The following SLC2A6 variants were observed in gnomAD, a reference collection of about 807,000 sequenced individuals.
SLC2A6 encodes solute carrier family 2 member 6.
A neutral mutation model predicts 47.8 loss-of-function variants in SLC2A6; 39 were observed. The ratio of observed to expected loss-of-function variants is 0.82; its 90% confidence interval spans 0.63 to 1.07. SLC2A6 has a LOEUF of 1.07. Among genes scored for constraint, SLC2A6 ranks in the 50% least tolerant of loss-of-function variants. SLC2A6 has a pLI of 0.00. For synonymous variants in SLC2A6, 346 were observed against 324.1 expected, an observed-to-expected ratio of 1.07 and a Z score of -0.73; for missense variants, 650 against 707.6, an observed-to-expected ratio of 0.92 and a Z score of 0.92.
chr9:133,475,320 C>T, intron 5 of SLC2A6, 80 bp downstream of exon 5: 1 of 1,452,330 alleles, frequency 6.9e-7, no homozygotes, highest in Non-Finnish European at 9.1e-7. Context: ...GTCCTGTCTT[C>T]CAGGAAAAGC....
At chr9:133,474,283 G>T (rs997266839) in intron 6 of SLC2A6, among the ~76,000 whole-genome samples, 195 bp from the exon 7 acceptor site, 2 of 152,250 alleles carry the variant, frequency 1.3e-5, no homozygotes, top group African/African-American at 2.4e-5. Flanking sequence ...GGACACATCT[G>T]CTCTGCCCAC....
intron 1 of SLC2A6, 111 bp from the exon 2 acceptor site, chr9:133,478,527 C>T: frequency 7.8e-7 from 1 of 1,276,550 alleles, no homozygotes; most frequent in East Asian, 2.3e-5. Context: ...GCTAGGGAGG[C>T]CTGGGTCCAA....
Position 133,477,257 on chromosome 9 carries a change from G to A in SLC2A6, c.256-16C>T. The A allele has an allele frequency of 6.5e-7, 1 of 1,549,776 alleles. No individual in the cohort carries two copies. Among genetic ancestry groups the A allele is most frequent in the Non-Finnish European group, 8.7e-7 (1 of 1,146,600 alleles). On this transcript the variant is annotated splice_polypyrimidine_tract_variant and intron_variant, in intron 2 of 9. Transcript: ENST00000371899. ...TGAACACGGACTGCAGGGGAAGGGG[G>A]TGCAGGGCAGATATGTCTGGGCACT...
Position 133,472,027 on chromosome 9 carries a change from CAAGAAGGACCTTCTCCCCGTGCGG to C in SLC2A6, c.1494_1517del (p.Phe498_Phe505del), listed in dbSNP as rs1554801619. ...TCCAGGCGGGGACCTTGACCTAGCG[CAAGAAGGACCTTCTCCCCGTGCGG>C]AAGAAGGACTCGATCTGCTCCAGGG... On this transcript the variant is annotated inframe_deletion, in exon 10 of 10. Coordinates refer to ENST00000371899, the MANE Select transcript of SLC2A6 (RefSeq NM_017585.4). 3.1e-6 allele frequency: 5 copies of C among 1,612,474 alleles called. No individual in the cohort carries two copies. The highest frequency in any genetic ancestry group is 2.2e-5 in the South Asian group (2 of 91,068).
chr9:133,478,140 C>G, intron 2 of SLC2A6, 114 bp downstream of exon 2: 1 of 1,144,270 alleles, frequency 8.7e-7, no homozygotes, highest in Non-Finnish European at 1.3e-6. Context: ...GGAGGGGGGA[C>G]CAGGGCCCTG....
At chr9:133,478,208 G>A (rs369175333) in intron 2 of SLC2A6, 46 bp downstream of exon 2, 4 of 1,604,656 alleles carry the variant, frequency 2.5e-6, no homozygotes, top group East Asian at 4.5e-5. Context: ...AGGCTCAGCA[G>A]GTCCCTCCTT....
chr9:133,476,315 G>T lies in SLC2A6; in HGVS notation c.484C>A (p.Pro162Thr). 6.2e-7 allele frequency: 1 copy of T among 1,613,006 alleles called. No homozygotes were observed. The highest frequency in any genetic ancestry group is 2.2e-5 in the East Asian group (1 of 44,882). The change falls in exon 4 of 10, where the codon CCC (proline) becomes ACC (threonine). Residue 162 changes from proline to threonine, a missense_variant. By Grantham distance (38) the Pro-to-Thr change is conservative (BLOSUM62 -1). Coordinates refer to ENST00000371899, the MANE Select transcript of SLC2A6 (RefSeq NM_017585.4). ...CIPVYVSEIAPPGVRGALGAT... is the reference protein window; with the variant it reads ...CIPVYVSEIATPGVRGALGAT... The stretch of plus-strand genomic sequence containing the variant: ...CCCAGAGCCCCACGAACGCCTGGGG[G>T]AGCAATCTCAGACACGTACACCTGC...
At chr9:133,472,400 CAG>C (rs1193772062) in intron 9 of SLC2A6, among the ~76,000 whole-genome samples, 2 of 152,144 alleles carry the variant, frequency 1.3e-5, no homozygotes, top group African/African-American at 4.8e-5. Flanking sequence ...CGGCCTTCCT[CAG>C]GGGCTGGGCC....
rs1364631519 is a variant in SLC2A6, at chr9:133,475,547, C to T, written c.627G>A (p.Leu209=). The T allele has an allele frequency of 3.7e-6, 6 of 1,610,020 alleles. No individual in the cohort carries two copies. Among genetic ancestry groups the T allele is most frequent in the African/African-American group, 2.7e-5 (2 of 74,872 alleles). Reference sequence around the variant, plus strand: ...GCGAGTTGGGCATGAAGCTGAGCAGCAGGATCATGATGAGCACAGGCGCCT... The same window carrying T: ...GCGAGTTGGGCATGAAGCTGAGCAGTAGGATCATGATGAGCACAGGCGCCT... ...AGEAPVLIMI[L]LLSFMPNSPR... The change falls in exon 5 of 10, where the codon CTG becomes CTA. Residue 209 remains leucine, a synonymous_variant. Coordinates refer to ENST00000371899, the MANE Select transcript of SLC2A6 (RefSeq NM_017585.4).
chr9:133,479,067 T>C lies in SLC2A6; in HGVS notation c.-8A>G. ...CAGCAGCGGCTCCTGCATGGCCGGG[T>C]CTCTCTCGGGGCGAGCGGAGGGCGC... On this transcript the variant is annotated 5_prime_UTR_variant, in exon 1 of 10. Coordinates refer to ENST00000371899, the MANE Select transcript of SLC2A6 (RefSeq NM_017585.4). 6.3e-7 allele frequency: 1 copy of C among 1,590,302 alleles called. No individual in the cohort carries two copies.
In SLC2A6 at chr9:133,473,527, G is replaced by A; in HGVS notation, c.1110C>T (p.Asn370=). Residue 370 remains asparagine (N), a synonymous_variant, in exon 8 of 10, where the codon AAC becomes AAT. Coordinates refer to ENST00000371899, the MANE Select transcript of SLC2A6 (RefSeq NM_017585.4). ...ACTCGCTTTCCAGGCCCGCAGTGCTGTTGGGGCTCAGAGGCCTGGGGCCAA... is the reference window on the plus strand; with the variant it reads ...ACTCGCTTTCCAGGCCCGCAGTGCTATTGGGGCTCAGAGGCCTGGGGCCAA... ...IHFGPRPLSP[N]STAGLESESW... 1 of 1,592,942 alleles carries A rather than the reference G, an allele frequency of 6.3e-7. No homozygotes were observed. Among genetic ancestry groups the A allele is most frequent in the Non-Finnish European group, 8.5e-7 (1 of 1,171,468 alleles).
At chr9:133,475,796 G>A (rs1554803198) in intron 4 of SLC2A6, among the ~76,000 whole-genome samples, 185 bp from the exon 5 acceptor site, 1 of 152,250 alleles carries the variant, frequency 6.6e-6, no homozygotes, top group Non-Finnish European at 1.5e-5. Context: ...GGCACATAGT[G>A]GGAAGTCCTT....
At chr9:133,472,224 C>T (rs782795024) in intron 9 of SLC2A6, 48 bp from the exon 10 acceptor site, 3 of 1,602,754 alleles carry the variant, frequency 1.9e-6, no homozygotes, top group Admixed American at 3.4e-5. Flanking sequence ...CTCCAGGGTC[C>T]TCCTGCCCCA....
rs782090307 is a variant in SLC2A6, at chr9:133,475,430, G to A, written c.744C>T (p.Phe248=). The A allele has an allele frequency of 5.2e-5, 84 of 1,609,156 alleles. No individual in the cohort carries two copies. Among genetic ancestry groups the A allele is most frequent in the Non-Finnish European group, 4.6e-5 (54 of 1,177,840 alleles). Residue 248 remains phenylalanine (F), a synonymous_variant, in exon 5 of 10, where the codon TTC becomes TTT. Transcript: ENST00000371899. ...TCCGGACGTTGTCCTGGATCTGCTCGAACTCCCAGTGGACATCGACGTCCG... is the reference window on the plus strand; with the variant it reads ...TCCGGACGTTGTCCTGGATCTGCTCAAACTCCCAGTGGACATCGACGTCCG... ...RGTDVDVHWE[F]EQIQDNVRRQ...
At chr9:133,474,890 C>A in intron 6 of SLC2A6, 71 bp downstream of exon 6, 1 of 1,407,068 alleles carries the variant, frequency 7.1e-7, no homozygotes, top group Non-Finnish European at 9.3e-7. Context: ...CAGGAGCAGG[C>A]CCTGCCTCCC....
rs587718776 is a variant in SLC2A6, at chr9:133,476,954, G to A, written c.462+81C>T. The A allele has an allele frequency of 8.2e-5, 117 of 1,426,186 alleles. 3 individuals are homozygous for A. The South Asian group carries it at 1.5e-3, about 18-fold the overall frequency. The allele number at this position is 1,426,186 out of a possible 1,614,324, so 88.3% of individuals were successfully genotyped here. ...ATTCTCATTGCCCAGAAGGCATGGA[G>A]GCTGGGAGGCCTTAGTCAGATGGAG... On this transcript the variant is annotated intron_variant, in intron 3 of 9. Coordinates refer to ENST00000371899, the MANE Select transcript of SLC2A6 (RefSeq NM_017585.4).
intron 9 of SLC2A6, 69 bp downstream of exon 9, chr9:133,473,036 T>C: frequency 6.7e-7 from 1 of 1,496,926 alleles, no homozygotes; most frequent in Non-Finnish European, 8.9e-7. Flanking sequence ...GCACAGCCCC[T>C]GGCACTGAGA....
rs1844034003 is a variant in SLC2A6 at position 133,478,269 on chromosome 9, CTG to C, written c.238_239del (p.Gln80GlyfsTer79). 2 of 1,613,884 alleles carry C rather than the reference CTG, an allele frequency of 1.2e-6. No homozygotes were observed. Among genetic ancestry groups the C allele is most frequent in the African/African-American group, 2.7e-5 (2 of 74,920 alleles). ...LDPDLHLTKS[Q>X]ASWFGSVFTL... ...TGGTCCTTACCCCAAACCAGGATGC[CTG>C]GGATTTGGTCAGATGCAGGTCAGGA... On this transcript the variant is annotated frameshift_variant, in exon 2 of 10. Transcript: ENST00000371899. LOFTEE classifies it high-confidence loss of function.
chr9:133,473,948 T>C (rs1554802451), intron 7 of SLC2A6, 32 bp downstream of exon 7: 1 of 1,517,472 alleles, frequency 6.6e-7, no homozygotes, highest in South Asian at 1.2e-5. Context: ...TGCGGAGGAG[T>C]GGGGCAGGAG....
Sources: gnomAD v4.1 joint callset for allele counts (sites outside exome capture counted in the v4.1 genomes callset) on GRCh38, gnomAD v4.1.1 for gene constraint, MANE v1.5 for transcripts, NCBI Gene and HGNC (gene_info 2026-07-23, HGNC 2026-07-21) for gene names.